YPEL2: variants seen among roughly 807,000 people sequenced by gnomAD.
YPEL2 encodes yippee like 2.
In YPEL2, 2 loss-of-function variants were observed where a neutral mutation model predicts 19.1. The observed-to-expected ratio is 0.10, with a 90% CI of 0.04 to 0.33. YPEL2 has a LOEUF of 0.33. YPEL2 is among the 10% of genes least tolerant of loss of function. The pLI is 1.00. For missense variants in YPEL2, 66 were observed against 140.7 expected (o/e 0.47, Z 2.68); for synonymous variants, 52 against 50.0 (o/e 1.04, Z -0.17).
In YPEL2 at chr17:59,346,897, C is replaced by A. The variant is rs553406630; in HGVS notation, c.-195-6318C>A. 1.2e-4 allele frequency among the ~76,000 whole-genome samples: 18 copies of A among 152,202 alleles called. No individual in the cohort carries two copies. In the South Asian group the frequency reaches 3.7e-3, roughly 32 times the overall value. On this transcript the variant is annotated intron_variant, in intron 1 of 4. Transcript: ENST00000312655. ...AATGGCATCAGCAAAACCATGGAAG[C>A]GTAAAGTGCAAGCGTGGTGTACTGA...
chr17:59,389,681 C>A (rs2047998105), intron 4 of YPEL2, among the ~76,000 whole-genome samples: 2 of 151,926 alleles, frequency 1.3e-5, no homozygotes. Flanking sequence ...GACACACACC[C>A]CTTTAGATTT....
At chr17:59,361,763 GA>G (rs1487208684) in intron 2 of YPEL2, among the ~76,000 whole-genome samples, 1 of 152,170 alleles carries the variant, frequency 6.6e-6, no homozygotes, top group Admixed American at 6.5e-5. Flanking sequence ...GTTAAAAAAG[GA>G]AAAAAACACA....
chr17:59,378,737 AT>A (rs1472589982), intron 2 of YPEL2, among the ~76,000 whole-genome samples: 1 of 152,138 alleles, frequency 6.6e-6, no homozygotes, highest in Non-Finnish European at 1.5e-5. Flanking sequence ...TGCTCTTGGA[AT>A]TTTATGACTC....
intron 2 of YPEL2, among the ~76,000 whole-genome samples, chr17:59,366,344 C>G (rs1479411339): frequency 6.6e-6 from 1 of 152,140 alleles, no homozygotes; most frequent in Non-Finnish European, 1.5e-5. Context: ...GACCCAGCAC[C>G]TGAAAAAGCG....
At chr17:59,365,779 T>C (rs576331656) in intron 2 of YPEL2, among the ~76,000 whole-genome samples, 135 of 152,220 alleles carry the variant, frequency 8.9e-4, no homozygotes, top group African/African-American at 3.1e-3. Context: ...TCTCCCTGGC[T>C]TATTGCTGGT....
At chr17:59,351,659 T>C (rs1424699251) in intron 1 of YPEL2, among the ~76,000 whole-genome samples, 1 of 152,184 alleles carries the variant, frequency 6.6e-6, no homozygotes, top group Non-Finnish European at 1.5e-5. Context: ...TTCCTTCAAG[T>C]GTTGCTATAA....
In YPEL2 at chr17:59,353,582, C is replaced by T. The variant is rs747611425; in HGVS notation, c.117+56C>T. 7.6e-6 allele frequency: 10 copies of T among 1,319,996 alleles called. No homozygotes were observed. In the African/African-American group the frequency reaches 1.4e-4, roughly 19 times the overall value. The allele number at this position is 1,319,996 out of a possible 1,614,324, so 81.8% of individuals were successfully genotyped here. Reference sequence around the variant, plus strand: ...ACCCCGGGGAGGGCGCTTAGTGCTCCTGAAGTTGCAGAGGTTTACAAGCTC... The same window carrying T: ...ACCCCGGGGAGGGCGCTTAGTGCTCTTGAAGTTGCAGAGGTTTACAAGCTC... On this transcript the variant is annotated intron_variant, in intron 2 of 4. Transcript: ENST00000312655. This position sits in a 1 kb window ranked among gnomAD's most constrained non-coding sequence, Gnocchi z 4.8.
intron 1 of YPEL2, among the ~76,000 whole-genome samples, chr17:59,350,890 T>C (rs1411845014): frequency 6.6e-6 from 1 of 152,226 alleles, no homozygotes; most frequent in Non-Finnish European, 1.5e-5. Context: ...TGTGTTTGTG[T>C]AAGACGGATG....
At chr17:59,342,641 T>C (rs971594163) in intron 1 of YPEL2, among the ~76,000 whole-genome samples, 1 of 152,004 alleles carries the variant, frequency 6.6e-6, no homozygotes, top group African/African-American at 2.4e-5. Context: ...GATTATCATC[T>C]CTGAGCATGA....
rs2047740288 is a variant in YPEL2 at position 59,343,223 on chromosome 17, C to T, written c.-195-9992C>T. Among the ~76,000 whole-genome samples, 4 of 152,326 alleles carry T rather than the reference C, an allele frequency of 2.6e-5. No homozygotes were observed. In the South Asian group the frequency reaches 8.3e-4, roughly 32 times the overall value. On this transcript the variant is annotated intron_variant, in intron 1 of 4. Coordinates refer to ENST00000312655, the MANE Select transcript of YPEL2 (RefSeq NM_001005404.4). Reference sequence around the variant, plus strand: ...ATATTTTAAATGTACTGGAGAGTGGCAAACTGAGTAAGGTGATTTAAAAAA... The same window carrying T: ...ATATTTTAAATGTACTGGAGAGTGGTAAACTGAGTAAGGTGATTTAAAAAA...
chr17:59,355,421 G>C (rs1181437410), intron 2 of YPEL2: 1 of 152,202 alleles, frequency 6.6e-6, no homozygotes, highest in African/African-American at 2.4e-5. Flanking sequence ...TGGCATACAA[G>C]GCCTTTGACA....
intron 2 of YPEL2, among the ~76,000 whole-genome samples, chr17:59,377,540 G>A (rs1416432210): frequency 2.6e-5 from 4 of 152,188 alleles, no homozygotes; most frequent in East Asian, 1.9e-4. Flanking sequence ...CCTTCTGGAC[G>A]AGGCATACTT....
intron 1 of YPEL2, among the ~76,000 whole-genome samples, chr17:59,334,395 G>GGC (rs1260928589): frequency 2.0e-5 from 3 of 147,846 alleles, no homozygotes; most frequent in East Asian, 2.0e-4. Context: ...TTATTTGGGG[G>GGC]GGGGTGAGGA....
chr17:59,365,930 A>G (rs2047866500), intron 2 of YPEL2, among the ~76,000 whole-genome samples: 1 of 152,174 alleles, frequency 6.6e-6, no homozygotes, highest in Non-Finnish European at 1.5e-5. Flanking sequence ...GAGGTGGAGC[A>G]GGTGGCACTA....
chr17:59,378,551 G>A (rs1026805583), intron 2 of YPEL2, among the ~76,000 whole-genome samples: 2 of 152,074 alleles, frequency 1.3e-5, no homozygotes, highest in Admixed American at 6.5e-5. Flanking sequence ...GGCCAGGCTC[G>A]TCTTGAACTC....
At chr17:59,393,714 TCTTAACGAGCATGCTG>T (rs1490787407) in intron 4 of YPEL2, among the ~76,000 whole-genome samples, 2 of 148,310 alleles carry the variant, frequency 1.3e-5, no homozygotes, top group East Asian at 3.9e-4. Context: ...TGGTGATGAC[TCTTAACGAGCATGCTG>T]CCTTCAAGCA....
At chr17:59,358,409 C>A (rs938248352) in intron 2 of YPEL2, among the ~76,000 whole-genome samples, 4 of 151,856 alleles carry the variant, frequency 2.6e-5, no homozygotes, top group African/African-American at 9.7e-5. Flanking sequence ...TAGACTCTGC[C>A]CTTGGTTTCC....
intron 1 of YPEL2, among the ~76,000 whole-genome samples, chr17:59,344,699 A>G (rs1303175522): frequency 6.6e-6 from 1 of 152,186 alleles, no homozygotes; most frequent in Non-Finnish European, 1.5e-5. Flanking sequence ...CAGCGGTTGC[A>G]GTGAGCCAAA....
At chr17:59,359,345 C>CT (rs1370340466) in intron 2 of YPEL2, among the ~76,000 whole-genome samples, 2 of 151,968 alleles carry the variant, frequency 1.3e-5, no homozygotes, top group African/African-American at 4.8e-5. Flanking sequence ...CCCTTCATTT[C>CT]TTTTTTTTCT....
Sources: allele counts gnomAD v4.1 joint callset (sites outside exome capture counted in the v4.1 genomes callset), GRCh38; gene constraint gnomAD v4.1.1; non-coding constraint Gnocchi (gnomAD v3.1); transcripts MANE v1.5; gene names NCBI Gene and HGNC (gene_info 2026-07-23, HGNC 2026-07-21).